The following ERBB4 variants were observed in gnomAD, a reference collection of about 807,000 sequenced individuals.
ERBB4 encodes erb-b2 receptor tyrosine kinase 4, also known as receptor tyrosine-protein kinase erbB-4.
A neutral mutation model predicts 158.0 loss-of-function variants in ERBB4; 42 were observed. The ratio of observed to expected loss-of-function variants is 0.27; its 90% CI spans 0.21 to 0.34. The LOEUF is 0.34. ERBB4 is among the 10% of genes least tolerant of loss of function. ERBB4 has a pLI of 1.00. For synonymous variants in ERBB4, 583 were observed against 558.7 expected (o/e 1.04, Z -0.61); for missense variants, 1,333 against 1,624.1 (o/e 0.82, Z 3.08).
chr2:212,240,422 G>A (rs7592673), intron 1 of ERBB4, among the ~76,000 whole-genome samples: 7 of 151,444 alleles, frequency 4.6e-5, no homozygotes, highest in Admixed American at 1.3e-4. Flanking sequence ...CGAGATGGGC[G>A]TATCACGAGA....
chr2:211,442,880 AT>A (rs560853843), intron 20 of ERBB4, among the ~76,000 whole-genome samples: 12 of 151,936 alleles, frequency 7.9e-5, no homozygotes, highest in Admixed American at 4.6e-4. Flanking sequence ...AAAAATAAAG[AT>A]TTTTTTTATC....
intron 1 of ERBB4, among the ~76,000 whole-genome samples, chr2:212,449,678 A>AT (rs1384715345): frequency 6.6e-6 from 1 of 152,074 alleles, no homozygotes; most frequent in Non-Finnish European, 1.5e-5. Flanking sequence ...CATTGCATTA[A>AT]TTTTTGACCC....
At chr2:212,498,207 C>G (rs568299290) in intron 1 of ERBB4, among the ~76,000 whole-genome samples, 1 of 151,938 alleles carries the variant, frequency 6.6e-6, no homozygotes, top group African/African-American at 2.4e-5. Flanking sequence ...CCTTCCCCAA[C>G]TTCCTGCAAG....
chr2:211,682,962 TTTCTC>T (rs1389649798), intron 12 of ERBB4, among the ~76,000 whole-genome samples: 2 of 151,816 alleles, frequency 1.3e-5, no homozygotes, highest in African/African-American at 4.8e-5. Context: ...CTTTTCTTCT[TTTCTC>T]TTATGTTTTG....
rs940607126 is a variant in ERBB4 at position 211,378,674 on chromosome 2, T to G, written c.*4941A>C. On this transcript the variant is annotated 3_prime_UTR_variant, in exon 28 of 28. Transcript: ENST00000342788. ...ATATCAGTAATAATGAGGTCTCCAC[T>G]GATAATGATCTTTTAAAATTATGCC... 1 of 232,398 alleles carries G rather than the reference T, an allele frequency of 4.3e-6. No homozygotes were observed. The highest frequency in any genetic ancestry group is 8.5e-6 in the Non-Finnish European group (1 of 117,196). The allele number at this position is 232,398 out of a possible 1,614,324, so 14.4% of individuals were successfully genotyped here.
intron 1 of ERBB4, among the ~76,000 whole-genome samples, chr2:212,514,535 G>T (rs184709719): frequency 1.3e-5 from 2 of 152,098 alleles, no homozygotes; most frequent in Non-Finnish European, 2.9e-5. Flanking sequence ...GGCTGGGCAC[G>T]GTGGCTCATG....
intron 19 of ERBB4, among the ~76,000 whole-genome samples, chr2:211,588,464 GA>G (rs2068357874): frequency 6.6e-6 from 1 of 152,082 alleles, no homozygotes; most frequent in African/African-American, 2.4e-5. Context: ...AAAAGAATGA[GA>G]AAATCCAAAT....
intron 20 of ERBB4, among the ~76,000 whole-genome samples, chr2:211,520,424 C>G (rs1559253740): frequency 6.6e-6 from 1 of 152,002 alleles, no homozygotes; most frequent in Non-Finnish European, 1.5e-5. Context: ...AAATATAGTC[C>G]TTAGGCCAAA....
At chr2:211,804,665 T>TA (rs938790792) in intron 3 of ERBB4, among the ~76,000 whole-genome samples, 18 of 152,154 alleles carry the variant, frequency 1.2e-4, no homozygotes, top group African/African-American at 4.1e-4. Context: ...CGCCAGGTAA[T>TA]ACCAAAAGAC....
At chr2:212,441,417 A>G (rs1349875655) in intron 1 of ERBB4, among the ~76,000 whole-genome samples, 1 of 152,110 alleles carries the variant, frequency 6.6e-6, no homozygotes, top group Non-Finnish European at 1.5e-5. Flanking sequence ...AGCCACCCCC[A>G]TCACCTCTGT....
intron 1 of ERBB4, among the ~76,000 whole-genome samples, chr2:212,448,054 G>A (rs1450285547): frequency 1.3e-5 from 2 of 151,958 alleles, no homozygotes; most frequent in Admixed American, 6.5e-5. Flanking sequence ...TGATTTCAGC[G>A]GTATTCACAA....
chr2:212,457,057 C>A (rs1688327593), intron 1 of ERBB4, among the ~76,000 whole-genome samples: 1 of 151,870 alleles, frequency 6.6e-6, no homozygotes, highest in Non-Finnish European at 1.5e-5. Context: ...TTTCATTATG[C>A]CAACTTGAAA....
intron 4 of ERBB4, among the ~76,000 whole-genome samples, chr2:211,763,257 A>C (rs2075460777): frequency 6.6e-6 from 1 of 152,238 alleles, no homozygotes; most frequent in South Asian, 2.1e-4. Context: ...AAATTCTGAT[A>C]ATCTGTGTGT....
At chr2:212,202,677 T>A (rs1365529846) in intron 1 of ERBB4, among the ~76,000 whole-genome samples, 1 of 152,194 alleles carries the variant, frequency 6.6e-6, no homozygotes, top group African/African-American at 2.4e-5. Flanking sequence ...TTTATCTTCA[T>A]GATACAATAC....
At chr2:212,461,417 G>T (rs749163247) in intron 1 of ERBB4, among the ~76,000 whole-genome samples, 41 of 152,106 alleles carry the variant, frequency 2.7e-4, no homozygotes, top group Non-Finnish European at 4.7e-4. Context: ...AGCTTTGTCT[G>T]CCCCACTGGA....
intron 1 of ERBB4, among the ~76,000 whole-genome samples, chr2:212,445,077 C>A (rs1050880860): frequency 2.6e-5 from 4 of 151,970 alleles, no homozygotes; most frequent in African/African-American, 9.7e-5. Context: ...TGGGCTCATG[C>A]TCATGGAATT....
chr2:211,675,921 C>T (rs944189304), intron 13 of ERBB4, among the ~76,000 whole-genome samples: 5 of 150,866 alleles, frequency 3.3e-5, no homozygotes, highest in Admixed American at 6.6e-5. Context: ...GATAAATAGA[C>T]GAAAAAGAAA....
At chr2:211,729,482 A>G (rs2074366078) in intron 5 of ERBB4, among the ~76,000 whole-genome samples, 2 of 151,792 alleles carry the variant, frequency 1.3e-5, no homozygotes, top group South Asian at 2.1e-4. Flanking sequence ...CTTAACTGCT[A>G]AACAGTAATG....
At chr2:211,552,727 G>A (rs2125704724) in intron 20 of ERBB4, among the ~76,000 whole-genome samples, 1 of 152,216 alleles carries the variant, frequency 6.6e-6, no homozygotes, top group East Asian at 1.9e-4. Flanking sequence ...TACAAATACA[G>A]CACCAGTGAT....
Sources: allele counts gnomAD v4.1 joint callset (sites outside exome capture counted in the v4.1 genomes callset), GRCh38; gene constraint gnomAD v4.1.1; transcripts MANE v1.5; gene names NCBI Gene and HGNC (gene_info 2026-07-23, HGNC 2026-07-21).